MYO7A: variants seen among roughly 807,000 people sequenced by gnomAD.
MYO7A encodes unconventional myosin-VIIa.
In MYO7A, 210 loss-of-function variants were observed where a neutral mutation model predicts 263.8. That is an observed-to-expected ratio of 0.80 (90% CI 0.71 to 0.89). The LOEUF (loss-of-function observed/expected upper bound fraction) is 0.89, where lower values mean the gene tolerates loss of function less well. Among genes scored for constraint, MYO7A ranks in the 40% least tolerant of loss-of-function variants. The probability of loss-of-function intolerance (pLI) is 0.00; values close to 1 mark genes in which losing one functional copy is unlikely to be tolerated. For synonymous variants in MYO7A, 1,239 were observed against 1,197.3 expected (o/e 1.03, Z -0.72); for missense variants, 2,820 against 2,968.3 (o/e 0.95, Z 1.16).
At chr11:77,183,002 G>C in intron 25 of MYO7A, 66 bp from the exon 26 acceptor site, 2 of 1,355,050 alleles carry the variant, frequency 1.5e-6, no homozygotes, top group Non-Finnish European at 2.1e-6. Context: ...GCAAAGTCTT[G>C]CTGTCGGGGG....
intron 3 of MYO7A, among the ~76,000 whole-genome samples, chr11:77,144,330 C>T (rs1951421228): frequency 6.6e-6 from 1 of 152,168 alleles, no homozygotes; most frequent in South Asian, 2.1e-4. Flanking sequence ...TGCTAACCTG[C>T]CCAGAGCCCC....
intron 15 of MYO7A, among the ~76,000 whole-genome samples, chr11:77,168,392 G>T (rs1335595295): frequency 1.3e-5 from 2 of 152,144 alleles, no homozygotes; most frequent in Non-Finnish European, 2.9e-5. Flanking sequence ...CATCTACTGG[G>T]CACCTCTTCT....
chr11:77,159,416 C>CCCCA, intron 9 of MYO7A, 31 bp from the exon 10 acceptor site: 1 of 1,400,610 alleles, frequency 7.1e-7, no homozygotes, highest in Non-Finnish European at 1.0e-6. Flanking sequence ...CACCCTCCCT[C>CCCCA]CCCTGATGCT....
chr11:77,190,115 G>GC lies in MYO7A; in HGVS notation c.3728dup (p.Pro1244AlafsTer64), dbSNP rs397516304. On this transcript the variant is annotated frameshift_variant, in exon 29 of 49. Transcript: ENST00000409709. LOFTEE classifies it high-confidence loss of function. ...CCTTTGTCAATGGGACACGGACACA[G>GC]CCGCCCAGCTGGCTGGAGCTGCAGG... The GC allele has an allele frequency of 6.4e-7, 1 of 1,573,058 alleles. No homozygotes were observed. Among genetic ancestry groups the GC allele is most frequent in the African/African-American group, 1.4e-5 (1 of 74,064 alleles).
rs796169706 is a variant in MYO7A, at chr11:77,200,270, T to TA, written c.4852+464dup. Among the ~76,000 whole-genome samples the TA allele has an allele frequency of 6.3e-3, 893 of 142,516 alleles. 7 individuals carry two copies. The highest frequency in any genetic ancestry group is 0.013 in the South Asian group (58 of 4,476). The allele number at this position is 142,516 out of a possible 152,430, so 93.5% of individuals were successfully genotyped here. ...TGGACAAGAGTGAGACCTCCTCTCT[T>TA]AAAAAAAAAAAAGAAAAGAAACAAA... On this transcript the variant is annotated intron_variant, in intron 35 of 48. Transcript: ENST00000409709.
chr11:77,199,940 GT>G, intron 35 of MYO7A, 122 bp downstream of exon 35: 1 of 1,115,400 alleles, frequency 9.0e-7, no homozygotes, highest in Non-Finnish European at 1.2e-6. Context: ...AAGAAAAGAG[GT>G]TTATTTGGCT....
chr11:77,171,458 A>G (rs1954085242), intron 15 of MYO7A, among the ~76,000 whole-genome samples: 1 of 152,176 alleles, frequency 6.6e-6, no homozygotes, highest in Non-Finnish European at 1.5e-5. Context: ...GCAAAGTCCT[A>G]GAATATATTC....
chr11:77,171,906 C>A (rs1267916449), intron 15 of MYO7A, among the ~76,000 whole-genome samples: 1 of 152,212 alleles, frequency 6.6e-6, no homozygotes, highest in African/African-American at 2.4e-5. Context: ...CAGGGAGGCG[C>A]AGGGGGCTCG....
In MYO7A at chr11:77,156,913, A is replaced by C; in HGVS notation, c.644A>C (p.Lys215Thr). Residue 215 changes from lysine to threonine, a missense_variant, in exon 7 of 49, where the codon AAG (lysine) becomes ACG (threonine). Lys to Thr is a moderately conservative substitution (Grantham distance 78, BLOSUM62 -1). Transcript: ENST00000409709. ...AATGACAACTCAAGCCGTTTCGGAA[A>C]GTACATCGACATCCACTTCAACAAG... is the stretch of plus-strand genomic sequence containing the variant. ...IRNDNSSRFG[K>T]YIDIHFNKRG... 6.2e-7 allele frequency: 1 copy of C among 1,614,030 alleles called. No homozygotes were observed. Among genetic ancestry groups the C allele is most frequent in the Non-Finnish European group, 8.5e-7 (1 of 1,179,898 alleles).
In MYO7A at chr11:77,203,144, G is replaced by T. The variant is rs377388669; in HGVS notation, c.5253G>T (p.Pro1751=). Reference sequence around the variant, plus strand: ...GGCTGTGGAGCCACACGCGGGAACCGCTCAAGCAGGCGCTGCTCAAGAAGC... The same window carrying T: ...GGCTGTGGAGCCACACGCGGGAACCTCTCAAGCAGGCGCTGCTCAAGAAGC... ...KDRLWSHTRE[P]LKQALLKKLL... Residue 1751 remains proline, a synonymous_variant, in exon 38 of 49, where the codon CCG becomes CCT. Transcript: ENST00000409709. 5.3e-4 allele frequency: 825 copies of T among 1,550,780 alleles called. 1 individual carries two copies. The highest frequency in any genetic ancestry group is 6.8e-4 in the Non-Finnish European group (780 of 1,147,898).
At chr11:77,186,711 A>C (rs1240388582) in intron 27 of MYO7A, among the ~76,000 whole-genome samples, 1 of 152,166 alleles carries the variant, frequency 6.6e-6, no homozygotes, top group African/African-American at 2.4e-5. Flanking sequence ...CAGACCCCTA[A>C]AATTTTCTCC....
In MYO7A at chr11:77,183,055, G is replaced by C. The variant is rs1955388541; in HGVS notation, c.3286-13G>C. ...GCTCAGCCACTTGACCCTGATCCCTGCTGGTCCTGCAGGCCCAGCTCCCCG... is the reference window on the plus strand; with the variant it reads ...GCTCAGCCACTTGACCCTGATCCCTCCTGGTCCTGCAGGCCCAGCTCCCCG... On this transcript the variant is annotated splice_polypyrimidine_tract_variant and intron_variant, in intron 25 of 48. Coordinates refer to ENST00000409709, the MANE Select transcript of MYO7A (RefSeq NM_000260.4). 2 of 1,550,282 alleles carry C rather than the reference G, an allele frequency of 1.3e-6. No homozygotes were observed. Among genetic ancestry groups the C allele is most frequent in the Admixed American group, 2.0e-5 (1 of 50,990 alleles).
At chr11:77,202,262 A>T in intron 36 of MYO7A, 38 bp from the exon 37 acceptor site, 1 of 1,552,732 alleles carries the variant, frequency 6.4e-7, no homozygotes, top group Non-Finnish European at 8.7e-7. Context: ...GGCCACAGGT[A>T]GAGAGCTGAC....
At chr11:77,185,479 G>A (rs2135523789) in intron 27 of MYO7A, among the ~76,000 whole-genome samples, 1 of 152,282 alleles carries the variant, frequency 6.6e-6, no homozygotes, top group South Asian at 2.1e-4. Context: ...TCCTCCATAA[G>A]AGGCAACTCC....
rs1232192330 is a variant in MYO7A at position 77,159,536 on chromosome 11, CCT to C, written c.1080+19_1080+20del. The stretch of plus-strand genomic sequence containing the variant: ...ATCCCTGCTTGAGGTCAGTGCCTGG[CCT>C]CTCTCCCCTCCATGACTTCTGTCCC... On this transcript the variant is annotated intron_variant, in intron 10 of 48. Coordinates refer to ENST00000409709, the MANE Select transcript of MYO7A (RefSeq NM_000260.4). The C allele has an allele frequency of 2.5e-6, 4 of 1,611,320 alleles. No individual in the cohort carries two copies. In the East Asian group the frequency reaches 8.9e-5, roughly 36 times the overall value.
At chr11:77,192,373 C>G in intron 31 of MYO7A, 95 bp downstream of exon 31, 1 of 1,319,558 alleles carries the variant, frequency 7.6e-7, no homozygotes, top group Middle Eastern at 2.0e-4. Context: ...CCATCATTAG[C>G]TCAGGCTGGG....
At chr11:77,183,268 T>G in intron 26 of MYO7A, 111 bp downstream of exon 26, 1 of 914,020 alleles carries the variant, frequency 1.1e-6, no homozygotes, top group Non-Finnish European at 1.7e-6. Flanking sequence ...GAGTGGACAC[T>G]GTCTGTCCTC....
intron 15 of MYO7A, 84 bp from the exon 16 acceptor site, chr11:77,172,664 C>G: frequency 6.6e-7 from 1 of 1,520,562 alleles, no homozygotes; most frequent in South Asian, 1.2e-5. Flanking sequence ...CGCTGACCTC[C>G]CCTCCCGCTT....
rs35689081 is a variant in MYO7A, at chr11:77,142,783, C to T, written c.93C>T (p.Cys31=). 2.7e-3 allele frequency: 4,418 copies of T among 1,610,834 alleles called. 96 individuals carry two copies. The African/African-American group carries it at 0.053, about 19-fold the overall frequency. Residue 31 remains cysteine, a synonymous_variant, in exon 3 of 49, where the codon TGC becomes TGT. Coordinates refer to ENST00000409709, the MANE Select transcript of MYO7A (RefSeq NM_000260.4). The part of the protein sequence containing the change: ...DVPIGAVVKL[C]DSGQVQVVDD... ...CCATCGGGGCGGTGGTGAAGCTCTG[C>T]GACTCTGGGCAGGTCCAGGTGGTGG...
Sources: gnomAD v4.1 joint callset for allele counts (sites outside exome capture counted in the v4.1 genomes callset) on GRCh38, gnomAD v4.1.1 for gene constraint, MANE v1.5 for transcripts, NCBI Gene and HGNC (gene_info 2026-07-23, HGNC 2026-07-21) for gene names.